SAMD5: variants seen among roughly 807,000 people sequenced by gnomAD.
The protein encoded by SAMD5 is sterile alpha motif domain containing 5.
A neutral mutation model predicts 11.3 loss-of-function variants in SAMD5; 13 were observed. The observed-to-expected ratio is 1.15, with a 90% confidence interval of 0.75 to 1.83. SAMD5 has a LOEUF of 1.83. Ranked by LOEUF, SAMD5 falls within the 40% of genes most tolerant of loss-of-function variation. SAMD5 has a pLI of 0.00. For missense variants in SAMD5, 255 were observed against 239.1 expected, an observed-to-expected ratio of 1.07 and a Z score of -0.44; for synonymous variants, 129 against 111.3, an observed-to-expected ratio of 1.16 and a Z score of -1.00.
chr6:147,881,405 A>T, the SAMD5 span, among the ~76,000 whole-genome samples: 1 of 152,190 alleles, frequency 6.6e-6, no homozygotes. Flanking sequence ...GAGGTGGATA[A>T]GTGGTACATC....
At chr6:147,780,695 T>C in the SAMD5 span, among the ~76,000 whole-genome samples, 3 of 152,228 alleles carry the variant, frequency 2.0e-5, no homozygotes, top group Admixed American at 2.0e-4. Context: ...AATATTTTTC[T>C]AGAGTGACAT....
intron 1 of SAMD5, among the ~76,000 whole-genome samples, chr6:147,620,344 C>T (rs923084438): frequency 1.3e-5 from 2 of 152,238 alleles, no homozygotes; most frequent in Non-Finnish European, 2.9e-5. Flanking sequence ...CGTACGACCC[C>T]TTACCCAGCC....
chr6:147,836,370 T>G, the SAMD5 span, among the ~76,000 whole-genome samples: 3 of 152,192 alleles, frequency 2.0e-5, no homozygotes, highest in Admixed American at 2.0e-4. Flanking sequence ...TTTAAATCCA[T>G]TATAGATGCT....
the SAMD5 span, among the ~76,000 whole-genome samples, chr6:147,825,664 C>CT: frequency 1.3e-5 from 2 of 152,056 alleles, no homozygotes; most frequent in African/African-American, 4.8e-5. Context: ...CTTTGGTAAG[C>CT]TTGAGTGATT....
chr6:147,671,385 G>T (rs888953492), intron 1 of SAMD5, among the ~76,000 whole-genome samples: 1 of 152,170 alleles, frequency 6.6e-6, no homozygotes, highest in African/African-American at 2.4e-5. Flanking sequence ...TCTGTGAAGA[G>T]TGCAGTATCT....
intron 1 of SAMD5, among the ~76,000 whole-genome samples, chr6:147,616,196 ATATT>A (rs1451385741): frequency 1.6e-5 from 2 of 126,664 alleles, no homozygotes; most frequent in Non-Finnish European, 3.3e-5. Context: ...TATTTCATAT[ATATT>A]TATTCATATA....
chr6:147,782,030 C>T, the SAMD5 span, among the ~76,000 whole-genome samples: 3 of 151,336 alleles, frequency 2.0e-5, no homozygotes, highest in East Asian at 1.9e-4. Flanking sequence ...ATTACCAAAG[C>T]GTATGTATGT....
chr6:147,818,287 T>C, the SAMD5 span, among the ~76,000 whole-genome samples: 1 of 152,182 alleles, frequency 6.6e-6, no homozygotes, highest in African/African-American at 2.4e-5. Flanking sequence ...GTTTCTTCCA[T>C]TGCAAGAATA....
chr6:147,746,064 A>G, the SAMD5 span, among the ~76,000 whole-genome samples: 1 of 151,864 alleles, frequency 6.6e-6, no homozygotes, highest in African/African-American at 2.4e-5. Context: ...TCTTTATCTG[A>G]GCTTCATTTC....
At chr6:147,602,399 C>T (rs1789631685) in intron 1 of SAMD5, among the ~76,000 whole-genome samples, 1 of 152,142 alleles carries the variant, frequency 6.6e-6, no homozygotes, top group South Asian at 2.1e-4. Context: ...AGAAGTGTTC[C>T]TTTGCGATGT....
At chr6:147,728,065 C>T (rs1173407209) in intron 1 of SAMD5, among the ~76,000 whole-genome samples, 1 of 152,190 alleles carries the variant, frequency 6.6e-6, no homozygotes, top group Non-Finnish European at 1.5e-5. Context: ...TTTAGTATCA[C>T]TGTTTTGTAA....
the SAMD5 span, among the ~76,000 whole-genome samples, chr6:147,791,009 G>A: frequency 2.0e-5 from 3 of 152,026 alleles, no homozygotes; most frequent in African/African-American, 7.2e-5. Context: ...ATCTATGAAA[G>A]ATAGGCCGGG....
chr6:147,819,639 GA>G, the SAMD5 span, among the ~76,000 whole-genome samples: 3 of 152,298 alleles, frequency 2.0e-5, no homozygotes, highest in Admixed American at 6.5e-5. Context: ...CTTAGCAGTA[GA>G]AAAAGACAAA....
chr6:147,542,106 T>C (rs1341922212), intron 1 of SAMD5, among the ~76,000 whole-genome samples: 3 of 152,208 alleles, frequency 2.0e-5, no homozygotes, highest in African/African-American at 4.8e-5. Flanking sequence ...TACCCTGTCA[T>C]AGGGCTACAG....
At chr6:147,664,313 G>A (rs1472980079) in intron 1 of SAMD5, among the ~76,000 whole-genome samples, 1 of 152,114 alleles carries the variant, frequency 6.6e-6, no homozygotes, top group Non-Finnish European at 1.5e-5. Flanking sequence ...TCAGAGGAAA[G>A]GGCATCCCTG....
In SAMD5 at chr6:147,509,103, G is replaced by C; in HGVS notation, c.175G>C (p.Val59Leu). 1 of 1,587,112 alleles carries C rather than the reference G, an allele frequency of 6.3e-7. No individual in the cohort carries two copies. ...GCACCGCCGCCGTATCCTGGAGGCC[G>C]TGCGCCGGCTGCGGGAGCAGGACGC... ...PAHRRRILEA[V>L]RRLREQDANA... The change falls in exon 1 of 2, where the codon GTG becomes CTG. Residue 59 changes from valine to leucine, a missense_variant. Val to Leu is a conservative substitution (Grantham distance 32). Coordinates refer to ENST00000367474, the MANE Select transcript of SAMD5 (RefSeq NM_001030060.3).
intron 1 of SAMD5, among the ~76,000 whole-genome samples, chr6:147,650,838 T>C (rs1790473056): frequency 6.6e-6 from 1 of 152,154 alleles, no homozygotes; most frequent in Admixed American, 6.5e-5. Context: ...CGGAGATACC[T>C]ACCTGTGCAA....
chr6:147,537,345 A>G (rs1161823024), intron 1 of SAMD5, among the ~76,000 whole-genome samples: 2 of 152,182 alleles, frequency 1.3e-5, no homozygotes, highest in Non-Finnish European at 2.9e-5. Flanking sequence ...TTGATTTTGG[A>G]AAGTTTGTTA....
the SAMD5 span, among the ~76,000 whole-genome samples, chr6:147,940,976 G>A: frequency 0.23 from 34,406 of 151,752 alleles, 4,405 homozygotes; most frequent in African/African-American, 0.33. Context: ...AAAAAAAGAT[G>A]TATGGTTAAT....
Sources: allele counts gnomAD v4.1 joint callset (sites outside exome capture counted in the v4.1 genomes callset), GRCh38; gene constraint gnomAD v4.1.1; transcripts MANE v1.5; gene names NCBI Gene and HGNC (gene_info 2026-07-23, HGNC 2026-07-21).